MAP4: variants seen among roughly 807,000 people sequenced by gnomAD.
MAP4 encodes microtubule-associated protein 4.
MAP4 carries 76 observed loss-of-function variants against 170.2 expected under a neutral mutation model. That is an observed-to-expected ratio of 0.45 (90% confidence interval 0.37 to 0.54). The LOEUF (loss-of-function observed/expected upper bound fraction) is 0.54. Among genes scored for constraint, MAP4 ranks in the 20% least tolerant of loss-of-function variants. MAP4 has a pLI of 0.00. For synonymous variants in MAP4, 909 were observed against 994.5 expected (o/e 0.91, Z 1.62); for missense variants, 2,506 against 2,748.0 (o/e 0.91, Z 1.97).
chr3:48,048,504 A>ATTTTTTTTTTTTTTTTTTTTT (rs2100125730), intron 1 of MAP4, among the ~76,000 whole-genome samples: 1 of 119,758 alleles, frequency 8.4e-6, no homozygotes, highest in Non-Finnish European at 1.7e-5. Flanking sequence ...GATCTCAATT[A>ATTTTTTTTTTTTTTTTTTTTT]TCTTTTTTTT....
At position 47,872,000 on chromosome 3, in the gene MAP4, G is replaced by GC. The variant is rs1288868094; in HGVS notation, c.5857dup (p.Ala1953GlyfsTer17). 7 of 1,614,084 alleles carry GC rather than the reference G, an allele frequency of 4.3e-6. No individual in the cohort carries two copies. The highest frequency in any genetic ancestry group is 5.1e-6 in the Non-Finnish European group (6 of 1,179,976). ...AACAGCAGCAGCTGTTGTGGTTTTTGCAACAGTCTGAGTGCTCTTGGACCC... is the reference window on the plus strand; with the variant it reads ...AACAGCAGCAGCTGTTGTGGTTTTTGCCAACAGTCTGAGTGCTCTTGGACCC... On this transcript the variant is annotated frameshift_variant, in exon 13 of 21. Coordinates refer to ENST00000683076, the MANE Select transcript of MAP4 (RefSeq NM_001385682.1). LOFTEE classifies it high-confidence loss of function.
intron 3 of MAP4, among the ~76,000 whole-genome samples, chr3:47,971,012 C>G (rs184762672): frequency 2.0e-5 from 3 of 152,068 alleles, no homozygotes; most frequent in African/African-American, 7.2e-5. Context: ...ACACTCTAAA[C>G]GTAAATGTAA....
intron 1 of MAP4, among the ~76,000 whole-genome samples, chr3:48,001,343 ATTATAT>A (rs1401904539): frequency 9.9e-5 from 15 of 152,220 alleles, no homozygotes; most frequent in Admixed American, 5.9e-4. Context: ...TAAATAATCA[ATTATAT>A]TTATATAGAC....
At chr3:47,884,277 C>A (rs1252027584) in intron 10 of MAP4, among the ~76,000 whole-genome samples, 1 of 152,130 alleles carries the variant, frequency 6.6e-6, no homozygotes, top group Non-Finnish European at 1.5e-5. Context: ...GCTGCTGAGC[C>A]CATTGAAGTT....
chr3:47,988,182 A>G (rs1428833388), intron 2 of MAP4, among the ~76,000 whole-genome samples: 1 of 151,424 alleles, frequency 6.6e-6, no homozygotes, highest in Admixed American at 6.6e-5. Context: ...TGACATAGCA[A>G]GACTCCGTCT....
intron 10 of MAP4, among the ~76,000 whole-genome samples, chr3:47,894,023 A>G (rs775844316): frequency 1.3e-4 from 19 of 151,978 alleles, no homozygotes; most frequent in Non-Finnish European, 2.6e-4. Flanking sequence ...TACCTTCAGT[A>G]CCTGACACAG....
intron 1 of MAP4, among the ~76,000 whole-genome samples, chr3:48,040,535 C>T (rs1011266956): frequency 3.9e-5 from 6 of 152,142 alleles, no homozygotes; most frequent in Non-Finnish European, 8.8e-5. Context: ...TCCCAAAGTG[C>T]TGGGATTACA....
At chr3:47,925,932 G>A (rs1244329679) in intron 4 of MAP4, among the ~76,000 whole-genome samples, 1 of 152,202 alleles carries the variant, frequency 6.6e-6, no homozygotes, top group Admixed American at 6.5e-5. Flanking sequence ...TTGGCTCACT[G>A]CAACCTCTGC....
chr3:47,871,801 G>T, intron 13 of MAP4, 116 bp downstream of exon 13: 1 of 973,844 alleles, frequency 1.0e-6, no homozygotes, highest in Non-Finnish European at 1.5e-6. Context: ...CTAAGGACCG[G>T]TGCGTAAGCA....
chr3:47,961,277 G>A (rs1485633195), intron 3 of MAP4, among the ~76,000 whole-genome samples: 1 of 152,144 alleles, frequency 6.6e-6, no homozygotes, highest in Admixed American at 6.6e-5. Context: ...TGAGGCCGGA[G>A]GATTGCTTGA....
At chr3:47,929,016 A>T (rs1006376422) in intron 3 of MAP4, among the ~76,000 whole-genome samples, 1 of 152,358 alleles carries the variant, frequency 6.6e-6, no homozygotes, top group South Asian at 2.1e-4. Flanking sequence ...GAAGAAAAAC[A>T]GTTGAAGGGC....
At chr3:47,936,294 G>A (rs1164540272) in intron 3 of MAP4, among the ~76,000 whole-genome samples, 1 of 151,896 alleles carries the variant, frequency 6.6e-6, no homozygotes, top group Non-Finnish European at 1.5e-5. Context: ...AATTAGCCGG[G>A]TGTGGTGGTA....
At position 47,909,931 on chromosome 3, in the gene MAP4, G is replaced by A. The variant is rs1183507946; in HGVS notation, c.4490C>T (p.Ser1497Phe). ...TGTGCTTGTAGAGGGCACAACAGCA[G>A]AGGGACCCTTGGGTCTTTCTTGACC... The part of the protein sequence containing the change: ...VPGQERPKGP[S>F]AVVPSTSTGG... Residue 1497 changes from serine to phenylalanine, a missense_variant, in exon 9 of 21, where the codon TCT becomes TTT. By Grantham distance (155) the Ser-to-Phe change is radical (BLOSUM62 -2). Transcript: ENST00000683076. 1 of 1,614,012 alleles carries A rather than the reference G, an allele frequency of 6.2e-7. No homozygotes were observed. Among genetic ancestry groups the A allele is most frequent in the Non-Finnish European group, 8.5e-7 (1 of 1,179,854 alleles).
chr3:47,890,417 TGAA>T (rs1266319213), intron 10 of MAP4, among the ~76,000 whole-genome samples: 28 of 152,272 alleles, frequency 1.8e-4, no homozygotes, highest in Non-Finnish European at 3.2e-4. Flanking sequence ...GGGTCAAACA[TGAA>T]GAACACAGAA....
At chr3:48,013,146 T>C (rs983830444) in intron 1 of MAP4, among the ~76,000 whole-genome samples, 3 of 152,226 alleles carry the variant, frequency 2.0e-5, no homozygotes, top group East Asian at 1.9e-4. Context: ...ATGAATTTCA[T>C]CTCACACAGA....
chr3:47,998,848 T>G lies in MAP4; in HGVS notation c.13A>C (p.Ser5Arg). The G allele has an allele frequency of 6.2e-7, 1 of 1,613,852 alleles. No individual in the cohort carries two copies. The highest frequency in any genetic ancestry group is 1.3e-5 in the African/African-American group (1 of 75,048). The change falls in exon 2 of 21, where the codon AGT becomes CGT. Residue 5 changes from serine (S) to arginine (R), a missense_variant. Physicochemically the swap from Ser to Arg is moderately radical, Grantham distance 110 (BLOSUM62 -1). Around this residue, in one of 3 missense-constraint regions of MAP4, gnomAD observed 2,008 missense variants for 2,206.0 expected, o/e 0.91. Coordinates refer to ENST00000683076, the MANE Select transcript of MAP4 (RefSeq NM_001385682.1). ...GGTTCTGTTAATGCATCTGCAAGACTGAGGTCAGCCATTCTGCACCACTGC... is the reference window on the plus strand; with the variant it reads ...GGTTCTGTTAATGCATCTGCAAGACGGAGGTCAGCCATTCTGCACCACTGC... The part of the protein sequence containing the change: MADL[S>R]LADALTEPSP...
intron 9 of MAP4, among the ~76,000 whole-genome samples, chr3:47,906,543 C>T (rs1018271354): frequency 2.0e-5 from 3 of 151,616 alleles, no homozygotes; most frequent in Admixed American, 6.6e-5. Flanking sequence ...ATTAGCTGGG[C>T]GTGGTGGTGC....
chr3:47,975,150 AAAC>A (rs2100081218), intron 3 of MAP4: 7 of 1,139,266 alleles, frequency 6.1e-6, no homozygotes, highest in Non-Finnish European at 7.6e-6. Flanking sequence ...ATCATAAAGA[AAAC>A]AAGAAATAAA....
chr3:47,871,549 T>C (rs2092724081), intron 13 of MAP4, among the ~76,000 whole-genome samples: 1 of 152,088 alleles, frequency 6.6e-6, no homozygotes, highest in Admixed American at 6.5e-5. Flanking sequence ...CCTCTTCTTA[T>C]CATCATGTAA....
Sources: allele counts gnomAD v4.1 joint callset (sites outside exome capture counted in the v4.1 genomes callset), GRCh38; gene constraint gnomAD v4.1.1; regional missense constraint gnomAD v4.1.1; transcripts MANE v1.5; gene names NCBI Gene and HGNC (gene_info 2026-07-23, HGNC 2026-07-21).